Variants in RBFOX3 observed in about 807,000 individuals in gnomAD.
The protein encoded by RBFOX3 is RNA binding fox-1 homolog 3.
In RBFOX3, 17 loss-of-function variants were observed where a neutral mutation model predicts 48.7. That is an observed-to-expected ratio of 0.35 (90% confidence interval 0.24 to 0.52). The LOEUF is 0.52. Among genes scored for constraint, RBFOX3 ranks in the 20% least tolerant of loss-of-function variants. The probability of loss-of-function intolerance (pLI) is 0.94; values close to 1 mark genes in which losing one functional copy is unlikely to be tolerated. For missense variants in RBFOX3, 382 were observed against 497.5 expected, an observed-to-expected ratio of 0.77 and a Z score of 2.21; for synonymous variants, 212 against 209.5, an observed-to-expected ratio of 1.01 and a Z score of -0.10.
chr17:79,632,496 G>T, the RBFOX3 span, among the ~76,000 whole-genome samples: 241 of 152,216 alleles, frequency 1.6e-3, 1 homozygote, highest in African/African-American at 5.5e-3. Context: ...TCTGACCACT[G>T]CCTGCCTCCG....
At chr17:79,093,550 A>AG (rs2074434269) in intron 14 of RBFOX3, among the ~76,000 whole-genome samples, 2 of 68,402 alleles carry the variant, frequency 2.9e-5, no homozygotes, top group African/African-American at 6.5e-5. Context: ...TAAAAATTGA[A>AG]AAAAAAAAAA....
intron 3 of RBFOX3, among the ~76,000 whole-genome samples, chr17:79,276,348 T>C (rs57548368): frequency 0.017 from 2,550 of 152,326 alleles, 74 homozygotes; most frequent in African/African-American, 0.058. Context: ...AAGGAGTGAA[T>C]GGCTTGTGAA....
intron 1 of RBFOX3, among the ~76,000 whole-genome samples, chr17:79,608,784 A>C (rs2145516664): frequency 6.8e-6 from 1 of 146,576 alleles, no homozygotes; most frequent in African/African-American, 2.5e-5. Context: ...GCGGTGAGCG[A>C]GGCGCCCACG....
chr17:79,544,975 CAAAAAAA>C (rs10584963), intron 1 of RBFOX3, among the ~76,000 whole-genome samples: 10 of 81,642 alleles, frequency 1.2e-4, no homozygotes, highest in South Asian at 9.8e-4. Context: ...TCATTAAGGG[CAAAAAAA>C]AAAAAAAAAA....
At chr17:79,308,889 C>CG (rs1011675191) in intron 2 of RBFOX3, among the ~76,000 whole-genome samples, 1 of 151,998 alleles carries the variant, frequency 6.6e-6, no homozygotes, top group African/African-American at 2.4e-5. Flanking sequence ...GAAGCCGAGG[C>CG]GGGGGGATCA....
chr17:79,211,099 G>A (rs2058320484), intron 4 of RBFOX3, among the ~76,000 whole-genome samples: 1 of 152,090 alleles, frequency 6.6e-6, no homozygotes, highest in African/African-American at 2.4e-5. Flanking sequence ...ACACCATGAG[G>A]GTGCCGAGTT....
At chr17:79,256,528 A>T (rs1031579846) in intron 3 of RBFOX3, among the ~76,000 whole-genome samples, 2 of 152,188 alleles carry the variant, frequency 1.3e-5, no homozygotes, top group Non-Finnish European at 2.9e-5. Flanking sequence ...CCAACCTGCT[A>T]CAGCCCTTAA....
chr17:79,309,793 G>A (rs1032427496), intron 2 of RBFOX3, among the ~76,000 whole-genome samples: 3 of 152,056 alleles, frequency 2.0e-5, no homozygotes, highest in African/African-American at 7.3e-5. Flanking sequence ...AAAGTGGTTG[G>A]CAGTTCCCCC....
chr17:79,274,232 G>A (rs2068291238), intron 3 of RBFOX3, among the ~76,000 whole-genome samples: 1 of 152,178 alleles, frequency 6.6e-6, no homozygotes, highest in Non-Finnish European at 1.5e-5. Flanking sequence ...TGGAGACTGG[G>A]ATGGGGGTTG....
At chr17:79,162,551 G>A (rs891163052) in intron 4 of RBFOX3, among the ~76,000 whole-genome samples, 2 of 152,250 alleles carry the variant, frequency 1.3e-5, no homozygotes, top group Admixed American at 6.5e-5. Flanking sequence ...CAGCACTTCT[G>A]AGAAAATGAG....
intron 3 of RBFOX3, among the ~76,000 whole-genome samples, chr17:79,271,926 C>A (rs2067795943): frequency 6.6e-6 from 1 of 152,238 alleles, no homozygotes; most frequent in African/African-American, 2.4e-5. Flanking sequence ...AGAATCCACA[C>A]CAGCAGCCGG....
At chr17:79,264,812 A>G (rs1390696638) in intron 3 of RBFOX3, among the ~76,000 whole-genome samples, 1 of 151,910 alleles carries the variant, frequency 6.6e-6, no homozygotes, top group Admixed American at 6.6e-5. Flanking sequence ...CCGGGCCTCG[A>G]CTTCCCCATG....
chr17:79,538,352 GGA>G (rs1396134109), intron 1 of RBFOX3, among the ~76,000 whole-genome samples: 13 of 152,202 alleles, frequency 8.5e-5, no homozygotes, highest in African/African-American at 3.1e-4. Flanking sequence ...TGGCTACAGT[GGA>G]GAGAGAGAGC....
At chr17:79,513,337 A>G (rs1203425920) in intron 1 of RBFOX3, among the ~76,000 whole-genome samples, 1 of 152,282 alleles carries the variant, frequency 6.6e-6, no homozygotes, top group African/African-American at 2.4e-5. Context: ...ACATGTTACC[A>G]CCAGGCATGG....
intron 1 of RBFOX3, among the ~76,000 whole-genome samples, chr17:79,513,180 T>C (rs1227236044): frequency 1.3e-5 from 2 of 151,404 alleles, no homozygotes; most frequent in African/African-American, 4.9e-5. Flanking sequence ...CCTGGATACA[T>C]GTTACCATCA....
At chr17:79,664,572 T>C in the RBFOX3 span, among the ~76,000 whole-genome samples, 1 of 152,200 alleles carries the variant, frequency 6.6e-6, no homozygotes, top group African/African-American at 2.4e-5. Context: ...GGTCTCGAAC[T>C]CCTGACCTCA....
the RBFOX3 span, among the ~76,000 whole-genome samples, chr17:79,621,146 G>A: frequency 1.3e-5 from 2 of 152,106 alleles, no homozygotes; most frequent in Admixed American, 6.5e-5. Context: ...CTACAGGCAC[G>A]TGCCACCACG....
At chr17:79,126,729 C>T (rs187029175) in intron 4 of RBFOX3, among the ~76,000 whole-genome samples, 1 of 152,310 alleles carries the variant, frequency 6.6e-6, no homozygotes, top group Non-Finnish European at 1.5e-5. Context: ...GCAGGAGACA[C>T]CCAGCCCAGC....
At chr17:79,664,282 C>A in the RBFOX3 span, among the ~76,000 whole-genome samples, 1 of 151,636 alleles carries the variant, frequency 6.6e-6, no homozygotes, top group Admixed American at 6.6e-5. Context: ...TCAAGCAATT[C>A]TCCTGCCTCA....
Sources: gnomAD v4.1 joint callset for allele counts (sites outside exome capture counted in the v4.1 genomes callset) on GRCh38, gnomAD v4.1.1 for gene constraint, MANE v1.5 for transcripts, NCBI Gene and HGNC (gene_info 2026-07-23, HGNC 2026-07-21) for gene names.